The following PURG variants were observed in gnomAD, a reference collection of about 807,000 sequenced individuals.
PURG encodes purine-rich element-binding protein gamma.
PURG carries 3 observed loss-of-function variants against 24.3 expected under a neutral mutation model. The observed-to-expected ratio is 0.12, with a 90% confidence interval of 0.06 to 0.32. The LOEUF is 0.32. Ranked by LOEUF, PURG falls within the 10% of genes least tolerant of loss-of-function variation. The probability of loss-of-function intolerance (pLI) is 1.00; values close to 1 mark genes in which losing one functional copy is unlikely to be tolerated. For missense variants in PURG, 371 were observed against 439.1 expected, an observed-to-expected ratio of 0.84 and a Z score of 1.39; for synonymous variants, 180 against 173.1, an observed-to-expected ratio of 1.04 and a Z score of -0.31.
chr8:31,022,942 T>C (rs1449510457), intron 1 of PURG, among the ~76,000 whole-genome samples: 3 of 152,382 alleles, frequency 2.0e-5, no homozygotes, highest in African/African-American at 2.4e-5. Flanking sequence ...TCTGTTGTTT[T>C]ATTTTGCTCG....
intron 1 of PURG, among the ~76,000 whole-genome samples, chr8:31,019,823 G>A (rs928330889): frequency 6.6e-6 from 1 of 150,864 alleles, no homozygotes; most frequent in Admixed American, 6.6e-5. Flanking sequence ...GAGCCACCAT[G>A]TCTGGCCCAA....
chr8:30,996,636 T>C, exon 2 of PURG: 2 of 1,612,312 alleles, frequency 1.2e-6, no homozygotes, highest in South Asian at 2.2e-5. Flanking sequence ...CTGTTCCTTA[T>C]GCTTGATTTG....
chr8:31,019,656 T>G (rs1563308210), intron 1 of PURG, among the ~76,000 whole-genome samples: 1 of 151,222 alleles, frequency 6.6e-6, no homozygotes, highest in Admixed American at 6.6e-5. Flanking sequence ...TCTTTTTTTT[T>G]TGTGAGATGG....
At chr8:31,005,498 C>G (rs1422668086) in intron 1 of PURG, among the ~76,000 whole-genome samples, 1 of 151,278 alleles carries the variant, frequency 6.6e-6, no homozygotes, top group South Asian at 2.1e-4. Flanking sequence ...ACAGGGGATT[C>G]CAGAATACAC....
intron 1 of PURG, among the ~76,000 whole-genome samples, chr8:31,009,134 G>T (rs747240343): frequency 2.0e-5 from 3 of 152,174 alleles, no homozygotes; most frequent in Non-Finnish European, 4.4e-5. Context: ...TACAGAAACA[G>T]AATAATTCGG....
rs770403998 is a variant in PURG, at chr8:31,032,812, G to C, written c.-6-24C>G. 6.6e-5 allele frequency: 91 copies of C among 1,378,742 alleles called. No individual in the cohort carries two copies. The highest frequency in any genetic ancestry group is 7.5e-5 in the Non-Finnish European group (80 of 1,062,302). The allele number at this position is 1,378,742 out of a possible 1,614,324, so 85.4% of individuals were successfully genotyped here. A position where few individuals can be genotyped will look rare whatever the true frequency, so the allele number is the denominator to read the frequency against. On this transcript the variant is annotated intron_variant, in intron 1 of 1. Coordinates refer to ENST00000523392, the MANE Select transcript of PURG (RefSeq NM_001323311.2). This position sits in a 1 kb window ranked among gnomAD's most constrained non-coding sequence, Gnocchi z 5.9. ...AGCTGCAAGTAACAAACAGACACAC[G>C]GGATGGGGTGGGGGAGGGGTGTTGA...
chr8:31,024,818 C>CT (rs1232425595), intron 1 of PURG, among the ~76,000 whole-genome samples: 2 of 151,830 alleles, frequency 1.3e-5, no homozygotes, highest in African/African-American at 2.4e-5. Context: ...ACAACATAAG[C>CT]TTTTTTTCCC....
At chr8:31,030,045 G>A (rs1044609219), downstream of PURG, among the ~76,000 whole-genome samples, 1 of 151,876 alleles carries the variant, frequency 6.6e-6, no homozygotes, top group Non-Finnish European at 1.5e-5. Flanking sequence ...ATATGTCGGG[G>A]TTACTGATTG....
At chr8:31,002,029 C>T (rs1585351787) in intron 1 of PURG, among the ~76,000 whole-genome samples, 2 of 152,308 alleles carry the variant, frequency 1.3e-5, no homozygotes, top group Middle Eastern at 3.4e-3. Context: ...CTATTCTTTT[C>T]TTAAGCTAAT....
chr8:31,033,094 C>T lies in PURG; in HGVS notation c.-23G>A. 1 of 221,212 alleles carries T rather than the reference C, an allele frequency of 4.5e-6. No homozygotes were observed. Among genetic ancestry groups the T allele is most frequent in the Non-Finnish European group, 8.8e-6 (1 of 113,280 alleles). The allele number at this position is 221,212 out of a possible 1,614,324, so 13.7% of individuals were successfully genotyped here. A position where few individuals can be genotyped will look rare whatever the true frequency, so the allele number is the denominator to read the frequency against. ...GGCACTCACATCATCTCTGCCATCACCGCCGCCGCCGATGCCCTTCACGAC... is the reference window on the plus strand; with the variant it reads ...GGCACTCACATCATCTCTGCCATCATCGCCGCCGCCGATGCCCTTCACGAC... On this transcript the variant is annotated 5_prime_UTR_variant, in exon 1 of 2. The change creates a new upstream start codon in the 5' untranslated region. Coordinates refer to ENST00000523392, the MANE Select transcript of PURG (RefSeq NM_001323311.2).
At chr8:31,029,212 TTAAC>T (rs1038940490), downstream of PURG, among the ~76,000 whole-genome samples, 4 of 151,794 alleles carry the variant, frequency 2.6e-5, no homozygotes, top group Admixed American at 6.6e-5. Flanking sequence ...TTTTGAATGA[TTAAC>T]TATGAAAAAA....
intron 1 of PURG, among the ~76,000 whole-genome samples, chr8:31,021,971 CTTT>C (rs1011753786): frequency 3.7e-5 from 5 of 136,914 alleles, no homozygotes; most frequent in Non-Finnish European, 6.3e-5. Flanking sequence ...TCATTTCTTT[CTTT>C]TTTTTTTTTT....
chr8:31,021,128 T>C (rs965104934), intron 1 of PURG, among the ~76,000 whole-genome samples: 3 of 152,090 alleles, frequency 2.0e-5, no homozygotes, highest in South Asian at 2.1e-4. Flanking sequence ...ATGAGTGGAA[T>C]GATATAGGGA....
chr8:31,008,329 G>A (rs1046872275), intron 1 of PURG, among the ~76,000 whole-genome samples: 2 of 152,138 alleles, frequency 1.3e-5, no homozygotes, highest in Non-Finnish European at 2.9e-5. Flanking sequence ...ATGGAATCTT[G>A]CTCTGTTGCC....
chr8:31,005,188 T>C (rs1810617471), intron 1 of PURG, among the ~76,000 whole-genome samples: 1 of 152,026 alleles, frequency 6.6e-6, no homozygotes, highest in Non-Finnish European at 1.5e-5. Context: ...ATCCTAGCAC[T>C]TTGGGAGGCT....
At chr8:31,004,297 T>G (rs1810600513) in intron 1 of PURG, among the ~76,000 whole-genome samples, 1 of 152,218 alleles carries the variant, frequency 6.6e-6, no homozygotes, top group Admixed American at 6.5e-5. Flanking sequence ...ATCAGGTCTA[T>G]ATTACATAAT....
At chr8:31,019,160 AATATATATATATATAT>A (rs1304631928) in intron 1 of PURG, among the ~76,000 whole-genome samples, 9 of 56,338 alleles carry the variant, frequency 1.6e-4, no homozygotes, top group African/African-American at 4.2e-4. Flanking sequence ...AAAAAAAAAA[AATATATATATATATAT>A]ATATATATAT....
At chr8:31,000,377 A>G (rs1810514018) in intron 1 of PURG, among the ~76,000 whole-genome samples, 1 of 152,200 alleles carries the variant, frequency 6.6e-6, no homozygotes, top group East Asian at 1.9e-4. Flanking sequence ...TAATAATCAT[A>G]CTGATATATA....
At chr8:30,995,869 T>C (rs1284748713) in exon 2 of PURG, 2 of 152,038 alleles carry the variant, frequency 1.3e-5, no homozygotes, top group African/African-American at 4.8e-5. Context: ...TATTTCATTT[T>C]ACTTCATATA....
Sources: gnomAD v4.1 joint callset for allele counts (sites outside exome capture counted in the v4.1 genomes callset) on GRCh38, gnomAD v4.1.1 for gene constraint, Gnocchi (gnomAD v3.1) non-coding constraint, MANE v1.5 for transcripts, NCBI Gene and HGNC (gene_info 2026-07-23, HGNC 2026-07-21) for gene names.